The following NTN1 variants were observed in gnomAD, a reference collection of about 807,000 sequenced individuals.
The protein encoded by NTN1 is netrin 1.
A neutral mutation model predicts 54.2 loss-of-function variants in NTN1; 11 were observed. The ratio of observed to expected loss-of-function variants is 0.20; its 90% CI spans 0.13 to 0.34. The LOEUF is 0.34. NTN1 is among the 10% of genes least tolerant of loss of function. The pLI is 1.00. For synonymous variants in NTN1, 371 were observed against 382.0 expected, an observed-to-expected ratio of 0.97 and a Z score of 0.33; for missense variants, 740 against 893.1, an observed-to-expected ratio of 0.83 and a Z score of 2.18.
upstream of NTN1, among the ~76,000 whole-genome samples, chr17:9,017,693 C>T (rs564474982): frequency 3.3e-4 from 51 of 152,362 alleles, no homozygotes; most frequent in Non-Finnish European, 1.3e-4. Context: ...AAAATCTGCA[C>T]TGTTGCGTTT....
intron 2 of NTN1, among the ~76,000 whole-genome samples, chr17:9,122,572 C>G (rs572599296): frequency 6.6e-6 from 1 of 152,248 alleles, no homozygotes; most frequent in East Asian, 1.9e-4. Flanking sequence ...TAGGCATCGC[C>G]CAGCCCCTCA....
chr17:9,137,029 C>T (rs1273358259), intron 2 of NTN1, among the ~76,000 whole-genome samples: 1 of 152,170 alleles, frequency 6.6e-6, no homozygotes, highest in Non-Finnish European at 1.5e-5. Context: ...CTCAATTTTT[C>T]CTATGCCATT....
intron 2 of NTN1, among the ~76,000 whole-genome samples, chr17:9,099,072 C>G (rs192211292): frequency 6.6e-6 from 1 of 152,254 alleles, no homozygotes; most frequent in East Asian, 1.9e-4. Context: ...ATGGGAAACA[C>G]TTTGTCCATG....
At chr17:9,178,231 T>C (rs945988312) in intron 3 of NTN1, among the ~76,000 whole-genome samples, 2 of 152,120 alleles carry the variant, frequency 1.3e-5, no homozygotes, top group Non-Finnish European at 2.9e-5. Context: ...ATTACTTCTA[T>C]CTATAAGAAG....
intron 2 of NTN1, among the ~76,000 whole-genome samples, chr17:9,132,216 C>T (rs560850669): frequency 1.3e-5 from 2 of 152,272 alleles, no homozygotes; most frequent in South Asian, 4.1e-4. Flanking sequence ...CCATCACACT[C>T]ACACTCTGGG....
chr17:9,045,039 C>T (rs943063313), intron 2 of NTN1, among the ~76,000 whole-genome samples: 5 of 152,316 alleles, frequency 3.3e-5, no homozygotes, highest in Middle Eastern at 3.4e-3. Context: ...AAGTTGGCCT[C>T]TCAGTTCTTT....
chr17:9,209,967 A>G (rs1905058089), intron 5 of NTN1, among the ~76,000 whole-genome samples: 1 of 151,946 alleles, frequency 6.6e-6, no homozygotes, highest in African/African-American at 2.4e-5. Context: ...AGCAAAAGCC[A>G]GCCTCTGCCC....
intron 2 of NTN1, among the ~76,000 whole-genome samples, chr17:9,111,739 GA>G (rs2092191945): frequency 6.6e-6 from 1 of 152,062 alleles, no homozygotes; most frequent in Non-Finnish European, 1.5e-5. Context: ...GTAAACTAGA[GA>G]AAAGAAAATG....
upstream of NTN1, among the ~76,000 whole-genome samples, chr17:9,017,822 T>C (rs1356094137): frequency 6.6e-6 from 1 of 152,170 alleles, no homozygotes; most frequent in Non-Finnish European, 1.5e-5. Flanking sequence ...GTTTTTTTCA[T>C]TTGTCCCCTC....
chr17:9,236,096 CTG>C (rs1567748856), intron 6 of NTN1, among the ~76,000 whole-genome samples: 1 of 146,394 alleles, frequency 6.8e-6, no homozygotes, highest in Admixed American at 7.0e-5. Context: ...TATTCTCACA[CTG>C]GATATCAAGT....
At chr17:9,094,643 A>G (rs1464993469) in intron 2 of NTN1, among the ~76,000 whole-genome samples, 1 of 152,086 alleles carries the variant, frequency 6.6e-6, no homozygotes, top group Non-Finnish European at 1.5e-5. Context: ...CTGTAACCTC[A>G]CTGAGGCTGT....
Position 9,101,018 on chromosome 17 carries a change from T to C in NTN1, c.1019-61795T>C, listed in dbSNP as rs115588897. 2.5e-3 allele frequency among the ~76,000 whole-genome samples: 376 copies of C among 152,350 alleles called. 1 individual carries two copies. Among genetic ancestry groups the C allele is most frequent in the African/African-American group, 8.5e-3 (355 of 41,582 alleles). On this transcript the variant is annotated intron_variant, in intron 2 of 6. Transcript: ENST00000173229. The stretch of plus-strand genomic sequence containing the variant: ...AGTATCTCAAACTCCTCTTTCTCCA[T>C]GAAGTTGCCTTGATTCTGTATCACC...
intron 2 of NTN1, among the ~76,000 whole-genome samples, chr17:9,043,407 GA>G (rs2091929307): frequency 6.6e-6 from 1 of 152,118 alleles, no homozygotes; most frequent in Non-Finnish European, 1.5e-5. Flanking sequence ...ACATATAGTT[GA>G]GTAGTTAAGA....
chr17:9,050,562 C>T (rs1298004506), intron 2 of NTN1, among the ~76,000 whole-genome samples: 5 of 146,806 alleles, frequency 3.4e-5, no homozygotes, highest in South Asian at 4.5e-4. Context: ...CCCAGCCACT[C>T]GGGAGGCTGA....
intron 2 of NTN1, among the ~76,000 whole-genome samples, chr17:9,154,076 C>T (rs887055128): frequency 1.1e-4 from 17 of 152,254 alleles, no homozygotes; most frequent in Admixed American, 2.0e-4. Flanking sequence ...CATCCAGTCT[C>T]GTGACTCCCT....
At chr17:9,109,167 G>T (rs1457132363) in intron 2 of NTN1, among the ~76,000 whole-genome samples, 2 of 152,188 alleles carry the variant, frequency 1.3e-5, no homozygotes, top group Non-Finnish European at 2.9e-5. Context: ...GAGGCACAGT[G>T]CCTGGCCTGA....
At chr17:9,231,687 G>A (rs1438633556) in intron 6 of NTN1, among the ~76,000 whole-genome samples, 1 of 152,174 alleles carries the variant, frequency 6.6e-6, no homozygotes, top group African/African-American at 2.4e-5. Context: ...TCTTTGAGAG[G>A]TTCTCAGCCG....
intron 2 of NTN1, among the ~76,000 whole-genome samples, chr17:9,053,853 C>T (rs1280404913): frequency 6.6e-6 from 1 of 152,202 alleles, no homozygotes. Flanking sequence ...AGTGGCTTCA[C>T]AGGTGAAAAG....
chr17:9,051,256 G>A (rs759608137), intron 2 of NTN1, among the ~76,000 whole-genome samples: 6 of 152,228 alleles, frequency 3.9e-5, no homozygotes, highest in Non-Finnish European at 7.3e-5. Context: ...TGGTATTTGA[G>A]TTCAGAAATC....
Sources: gnomAD v4.1 joint callset for allele counts (sites outside exome capture counted in the v4.1 genomes callset) on GRCh38, gnomAD v4.1.1 for gene constraint, MANE v1.5 for transcripts, NCBI Gene and HGNC (gene_info 2026-07-23, HGNC 2026-07-21) for gene names.